The following NPM1 variants were observed in gnomAD, a reference collection of about 807,000 sequenced individuals.
NPM1 encodes nucleophosmin 1, also known as nucleophosmin.
NPM1 carries 1 observed loss-of-function variant against 44.1 expected under a neutral mutation model. That is an observed-to-expected ratio of 0.02 (90% CI 0.01 to 0.11). The LOEUF (loss-of-function observed/expected upper bound fraction) is 0.11. Ranked by LOEUF, NPM1 falls within the 10% of genes least tolerant of loss-of-function variation. NPM1 has a pLI of 1.00. For missense variants in NPM1, 197 were observed against 347.8 expected (o/e 0.57, Z 3.45); for synonymous variants, 126 against 111.8 (o/e 1.13, Z -0.80).
intron 8 of NPM1, among the ~76,000 whole-genome samples, chr5:171,403,666 G>A (rs1389657227): frequency 7.0e-6 from 1 of 143,150 alleles, no homozygotes; most frequent in African/African-American, 2.6e-5. Flanking sequence ...TCCCGGACGG[G>A]GCGGCTGGCC....
upstream of NPM1, chr5:171,387,217 G>A (rs1490034879): frequency 6.6e-6 from 1 of 152,188 alleles, no homozygotes; most frequent in Non-Finnish European, 1.5e-5. Flanking sequence ...GAAGGACAGA[G>A]CTGAAAAACA....
Position 171,387,980 on chromosome 5 carries a change from C to T in NPM1, c.32C>T (p.Pro11Leu). MEDSMDMDMS[P>L]LRPQNYLFGC... ...GATTCGATGGACATGGACATGAGCC[C>T]CCTGAGGCCCCAGAACTATCTTTTC... Residue 11 changes from proline (P) to leucine (L), a missense_variant, in exon 1 of 11, where the codon CCC (proline) becomes CTC (leucine). By Grantham distance (98) the Pro-to-Leu change is moderately conservative. Around this residue, in one of 5 missense-constraint regions of NPM1, gnomAD observed 14 missense variants for 16.2 expected, o/e 0.87. Coordinates refer to ENST00000296930, the MANE Select transcript of NPM1 (RefSeq NM_002520.7). The T allele has an allele frequency of 6.2e-7, 1 of 1,612,886 alleles. No individual in the cohort carries two copies. The highest frequency in any genetic ancestry group is 8.5e-7 in the Non-Finnish European group (1 of 1,179,988).
intron 9 of NPM1, 97 bp downstream of exon 9, chr5:171,405,500 T>C (rs1370877556): frequency 1.7e-5 from 12 of 690,336 alleles, no homozygotes; most frequent in South Asian, 5.1e-5. Flanking sequence ...TTTGTTTGTT[T>C]TGGTTTAATA....
In NPM1 at chr5:171,392,819, A is replaced by G; in HGVS notation, c.459+3A>G. On this transcript the variant is annotated splice_donor_region_variant and intron_variant, in intron 5 of 10. Transcript: ENST00000296930. Reference sequence around the variant, plus strand: ...GAGGTGGTAGCAAGGTTCCACAGGTAGAGATGGCAATTTTATTATAGGTTT... The same window carrying G: ...GAGGTGGTAGCAAGGTTCCACAGGTGGAGATGGCAATTTTATTATAGGTTT... The G allele has an allele frequency of 1.2e-6, 2 of 1,613,518 alleles. No individual in the cohort carries two copies. The highest frequency in any genetic ancestry group is 1.7e-6 in the Non-Finnish European group (2 of 1,179,486).
At chr5:171,410,323 T>G (rs946521892) in intron 10 of NPM1, among the ~76,000 whole-genome samples, 8 of 152,238 alleles carry the variant, frequency 5.3e-5, no homozygotes, top group Non-Finnish European at 1.2e-4. Context: ...TAGTATATTG[T>G]TCACATTTTT....
chr5:171,404,061 C>T lies in NPM1; in HGVS notation c.670-1241C>T, dbSNP rs1271475146. On this transcript the variant is annotated intron_variant, in intron 8 of 10. Coordinates refer to ENST00000296930, the MANE Select transcript of NPM1 (RefSeq NM_002520.7). ...GCAGAGGCAACCCTCACCTCCCGGA[C>T]GGGGCGGCTGGCCGGGCGGGGGGCT... Among the ~76,000 whole-genome samples, 61 of 63,136 alleles carry T rather than the reference C, an allele frequency of 9.7e-4. 3 individuals carry two copies. Among genetic ancestry groups the T allele is most frequent in the South Asian group, 2.1e-3 (3 of 1,454 alleles). The allele number at this position is 63,136 out of a possible 152,430, so 41.4% of individuals were successfully genotyped here.
chr5:171,396,364 T>TA (rs1770886468), intron 6 of NPM1, among the ~76,000 whole-genome samples: 1 of 152,218 alleles, frequency 6.6e-6, no homozygotes, highest in African/African-American at 2.4e-5. Context: ...AAAAAATGTT[T>TA]AAAAAAAGCA....
intron 1 of NPM1, among the ~76,000 whole-genome samples, chr5:171,389,400 G>A (rs756491294): frequency 6.6e-6 from 1 of 152,198 alleles, no homozygotes; most frequent in Non-Finnish European, 1.5e-5. Context: ...GTAGACATAT[G>A]TATTCAAAAC....
chr5:171,387,841 C>G (rs10069429), upstream of NPM1: 1,351 of 1,029,480 alleles, frequency 1.3e-3, 4 homozygotes, highest in African/African-American at 0.011. Context: ...GCGCGGGGAG[C>G]CTGCGTCCTT....
chr5:171,397,233 CATTT>C (rs1373079711), intron 6 of NPM1, among the ~76,000 whole-genome samples: 7 of 152,164 alleles, frequency 4.6e-5, no homozygotes, highest in Admixed American at 1.3e-4. Context: ...ATCAGTACTC[CATTT>C]ATTTATATGG....
intron 4 of NPM1, 107 bp from the exon 5 acceptor site, chr5:171,392,603 T>TA (rs1554135885): frequency 1.3e-4 from 69 of 549,778 alleles, no homozygotes; most frequent in Non-Finnish European, 1.7e-4. Flanking sequence ...TTTTTTTTTT[T>TA]AAATAGAATA....
intron 8 of NPM1, among the ~76,000 whole-genome samples, chr5:171,404,214 G>A (rs1364308389): frequency 9.4e-6 from 1 of 106,402 alleles, no homozygotes; most frequent in East Asian, 3.7e-4. Context: ...CAGATAGGGC[G>A]GCTGGCCGGG....
At chr5:171,391,571 G>A in intron 3 of NPM1, 135 bp from the exon 4 acceptor site, 1 of 1,168,614 alleles carries the variant, frequency 8.6e-7, no homozygotes, top group Admixed American at 2.0e-5. Flanking sequence ...TTGAACATGG[G>A]GGCTTCTGCT....
chr5:171,389,910 T>C (rs1001618204), intron 1 of NPM1, 141 bp from the exon 2 acceptor site: 2 of 618,338 alleles, frequency 3.2e-6, no homozygotes, highest in African/African-American at 1.9e-5. Context: ...AATCTAGGAA[T>C]TGATCATTCT....
At chr5:171,389,619 C>T (rs1351741317) in intron 1 of NPM1, among the ~76,000 whole-genome samples, 2 of 152,084 alleles carry the variant, frequency 1.3e-5, no homozygotes, top group Admixed American at 1.3e-4. Flanking sequence ...TGTCATTTTT[C>T]TTTTGTAATA....
Position 171,410,705 on chromosome 5 carries a change from C to T in NPM1, c.*140C>T, listed in dbSNP as rs1198147532. 5.5e-6 allele frequency: 3 copies of T among 540,852 alleles called. No individual in the cohort carries two copies. Among genetic ancestry groups the T allele is most frequent in the Non-Finnish European group, 9.7e-6 (3 of 310,036 alleles). 33.5% of individuals were successfully genotyped at this position (540,852 alleles called of 1,614,324 possible). On this transcript the variant is annotated 3_prime_UTR_variant, in exon 11 of 11. Coordinates refer to ENST00000296930, the MANE Select transcript of NPM1 (RefSeq NM_002520.7). ...GATAAATGTTGTCCAGGTTCTATTGCCAAGAATGTGTTGTCCAAAATGCCT... is the reference window on the plus strand; with the variant it reads ...GATAAATGTTGTCCAGGTTCTATTGTCAAGAATGTGTTGTCCAAAATGCCT...
In NPM1 at chr5:171,410,509, CTTT is replaced by C. The variant is rs34323200; in HGVS notation, c.847-7_847-5del. On this transcript the variant is annotated splice_polypyrimidine_tract_variant and intron_variant, in intron 10 of 10. Coordinates refer to ENST00000296930, the MANE Select transcript of NPM1 (RefSeq NM_002520.7). ...GTGTTGTGGTTCCTTAACCACATTT[CTTT>C]TTTTTTTTTTCCAGGCTATTCAAGA... 2.6e-4 allele frequency: 320 copies of C among 1,228,460 alleles called. No homozygotes were observed. In the East Asian group the frequency reaches 5.4e-3, roughly 21 times the overall value. 76.1% of individuals were successfully genotyped at this position (1,228,460 alleles called of 1,614,324 possible).
At chr5:171,394,203 T>C (rs192764114) in intron 6 of NPM1, among the ~76,000 whole-genome samples, 1 of 151,798 alleles carries the variant, frequency 6.6e-6, no homozygotes, top group Non-Finnish European at 1.5e-5. Context: ...CACCATGCCC[T>C]GCTAATTTTT....
Position 171,397,952 on chromosome 5 carries a change from C to T in NPM1, c.525-2201C>T, listed in dbSNP as rs182869432. The stretch of plus-strand genomic sequence containing the variant: ...TTACAGGCACCCCCCCCACCACGCC[C>T]GGCTAATTTTCTGTATTTTAAATAG... On this transcript the variant is annotated intron_variant, in intron 6 of 10. Coordinates refer to ENST00000296930, the MANE Select transcript of NPM1 (RefSeq NM_002520.7). Among the ~76,000 whole-genome samples the T allele has an allele frequency of 1.2e-3, 177 of 150,314 alleles. 3 individuals carry two copies. The highest frequency in any genetic ancestry group is 3.4e-4 in the Non-Finnish European group (23 of 67,676).
Sources: allele counts gnomAD v4.1 joint callset (sites outside exome capture counted in the v4.1 genomes callset), GRCh38; gene constraint gnomAD v4.1.1; regional missense constraint gnomAD v4.1.1; transcripts MANE v1.5; gene names NCBI Gene and HGNC (gene_info 2026-07-23, HGNC 2026-07-21).